The following LRP5 variants were observed in gnomAD, a reference collection of about 807,000 sequenced individuals.
LRP5 encodes the protein LDL receptor related protein 5.
A neutral mutation model predicts 154.1 loss-of-function variants in LRP5; 62 were observed. The observed-to-expected ratio is 0.40, with a 90% CI of 0.33 to 0.50. The LOEUF (loss-of-function observed/expected upper bound fraction) is 0.50, where lower values mean the gene tolerates loss of function less well. Ranked by LOEUF, LRP5 falls within the 20% of genes least tolerant of loss-of-function variation. The probability of loss-of-function intolerance (pLI) is 0.55; values close to 1 mark genes in which losing one functional copy is unlikely to be tolerated. For missense variants in LRP5, 1,915 were observed against 2,336.7 expected, an observed-to-expected ratio of 0.82 and a Z score of 3.72; for synonymous variants, 966 against 1,011.5, an observed-to-expected ratio of 0.96 and a Z score of 0.85.
At chr11:68,383,318 G>A (rs576844859) in intron 5 of LRP5, among the ~76,000 whole-genome samples, 11 of 152,338 alleles carry the variant, frequency 7.2e-5, no homozygotes, top group Admixed American at 1.3e-4. Context: ...GAGGTCAAGC[G>A]TGATTCGTCT....
At chr11:68,352,345 G>A (rs1036273582) in intron 2 of LRP5, among the ~76,000 whole-genome samples, 7 of 152,328 alleles carry the variant, frequency 4.6e-5, no homozygotes, top group East Asian at 3.9e-4. Context: ...GTACAGAGGC[G>A]TGACCATGCT....
rs1365922615 is a variant in LRP5 at position 68,413,679 on chromosome 11, G to T, written c.2504-10G>T. On this transcript the variant is annotated splice_polypyrimidine_tract_variant and intron_variant, in intron 11 of 22. Transcript: ENST00000294304. This position sits in a 1 kb window ranked among gnomAD's most constrained non-coding sequence, Gnocchi z 5.1. Reference sequence around the variant, plus strand: ...CTTTGCTGACACCGTGCCCGTGTGTGTTCATGCAGGTCAGGAGCGGGTCGT... The same window carrying T: ...CTTTGCTGACACCGTGCCCGTGTGTTTTCATGCAGGTCAGGAGCGGGTCGT... The T allele has an allele frequency of 6.2e-7, 1 of 1,613,332 alleles. No individual in the cohort carries two copies. The highest frequency in any genetic ancestry group is 2.2e-5 in the East Asian group (1 of 44,880).
rs555912395 is a variant in LRP5, at chr11:68,374,198, G to A, written c.1015+8496G>A. Among the ~76,000 whole-genome samples the A allele has an allele frequency of 5.9e-5, 9 of 152,344 alleles. No homozygotes were observed. In the South Asian group the frequency reaches 6.2e-4, roughly 11 times the overall value. ...GACGGGCAGACTGACAGCTGGAGCCGACGGCAAAGCCCCTCACGTCCCTCC... is the reference window on the plus strand; with the variant it reads ...GACGGGCAGACTGACAGCTGGAGCCAACGGCAAAGCCCCTCACGTCCCTCC... On this transcript the variant is annotated intron_variant, in intron 5 of 22. Transcript: ENST00000294304.
intron 21 of LRP5, among the ~76,000 whole-genome samples, chr11:68,440,956 T>TG (rs2098677893): frequency 6.6e-6 from 1 of 152,114 alleles, no homozygotes; most frequent in African/African-American, 2.4e-5. Context: ...TTAGTAGAGA[T>TG]GGGGTTTCTC....
chr11:68,417,990 G>T lies in LRP5; in HGVS notation c.3027+1463G>T, dbSNP rs1285473515. 2.6e-5 allele frequency among the ~76,000 whole-genome samples: 4 copies of T among 152,240 alleles called. No individual in the cohort carries two copies. The East Asian group carries it at 7.8e-4, about 30-fold the overall frequency. Reference sequence around the variant, plus strand: ...GTAGCGGAAGTGAGCACTTTGCGGAGTCAGGCTTGTGTGGCCTGTTCCACA... The same window carrying T: ...GTAGCGGAAGTGAGCACTTTGCGGATTCAGGCTTGTGTGGCCTGTTCCACA... On this transcript the variant is annotated intron_variant, in intron 13 of 22. Coordinates refer to ENST00000294304, the MANE Select transcript of LRP5 (RefSeq NM_002335.4).
chr11:68,304,407 G>A, the LRP5 span, among the ~76,000 whole-genome samples: 8 of 152,272 alleles, frequency 5.3e-5, no homozygotes, highest in Non-Finnish European at 1.2e-4. Context: ...GGATGTATGA[G>A]AAAGCCTGGG....
intron 7 of LRP5, among the ~76,000 whole-genome samples, chr11:68,400,447 C>T (rs146446969): frequency 1.5e-3 from 223 of 152,126 alleles, no homozygotes; most frequent in Non-Finnish European, 2.0e-3. Context: ...GAGCTGGGCG[C>T]GGTGGCTCAC....
chr11:68,415,571 C>T (rs2098662084), intron 12 of LRP5, among the ~76,000 whole-genome samples: 2 of 151,300 alleles, frequency 1.3e-5, no homozygotes, highest in African/African-American at 4.9e-5. Context: ...TATGGTGAAA[C>T]TCCATCTCTA....
At chr11:68,336,238 G>A (rs1005907685) in intron 1 of LRP5, among the ~76,000 whole-genome samples, 1 of 152,184 alleles carries the variant, frequency 6.6e-6, no homozygotes, top group South Asian at 2.1e-4. Context: ...AGAAGTTCTG[G>A]AGGACTGGTG....
chr11:68,310,754 CAAAAAA>C (rs756320384), upstream of LRP5, among the ~76,000 whole-genome samples: 5 of 63,928 alleles, frequency 7.8e-5, no homozygotes, highest in Non-Finnish European at 1.6e-4. Context: ...GACCCTGTCT[CAAAAAA>C]AAAAAAAAAA....
intron 9 of LRP5, among the ~76,000 whole-genome samples, 188 bp downstream of exon 9, chr11:68,407,001 A>T (rs560749459): frequency 2.0e-5 from 3 of 151,982 alleles, no homozygotes; most frequent in Non-Finnish European, 4.4e-5. Context: ...AGTCCGGTAG[A>T]CACACATAAG....
chr11:68,302,345 CAAA>C, the LRP5 span, among the ~76,000 whole-genome samples: 6,614 of 84,410 alleles, frequency 0.078, 252 homozygotes, highest in Middle Eastern at 0.16. Context: ...GACTCCATCT[CAAA>C]AAAAAAAAAA....
intron 12 of LRP5, 109 bp downstream of exon 12, chr11:68,414,121 T>C: frequency 9.2e-7 from 1 of 1,083,776 alleles, no homozygotes; most frequent in Non-Finnish European, 1.4e-6. Flanking sequence ...TGTACATAGA[T>C]GGTTGGGTAG....
chr11:68,421,713 T>TG (rs1481049735), intron 13 of LRP5, among the ~76,000 whole-genome samples: 1 of 143,050 alleles, frequency 7.0e-6, no homozygotes, highest in Non-Finnish European at 1.6e-5. Context: ...TGTGTGTGTG[T>TG]GTGTGTGTGT....
rs2098608768 is a variant in LRP5 at position 68,341,059 on chromosome 11, C to CTTTTTTTGTTTTTTTTTTTTTTTT, written c.92-6781_92-6780insGTTTTTTTTTTTTTTTTTTTTTTT. Among the ~76,000 whole-genome samples the CTTTTTTTGTTTTTTTTTTTTTTTT allele has an allele frequency of 3.6e-5, 3 of 83,496 alleles. 1 individual carries two copies. Among genetic ancestry groups the CTTTTTTTGTTTTTTTTTTTTTTTT allele is most frequent in the Non-Finnish European group, 7.1e-5 (3 of 42,004 alleles). 54.8% of individuals were successfully genotyped at this position (83,496 alleles called of 152,430 possible). ...GTTACCCCTGCCGCTGGAGATTGTT[C>CTTTTTTTGTTTTTTTTTTTTTTTT]TTTTTTTTTTTTTTTTTTTGCTATT... On this transcript the variant is annotated intron_variant, in intron 1 of 22. Coordinates refer to ENST00000294304, the MANE Select transcript of LRP5 (RefSeq NM_002335.4).
rs1311618305 is a variant in LRP5, at chr11:68,409,095, T to TATATATATATATATATATATATATAC, written c.2092-818_2092-817insTATATATATATATATATATATATACA. Among the ~76,000 whole-genome samples the TATATATATATATATATATATATATAC allele has an allele frequency of 4.0e-4, 11 of 27,700 alleles. 1 individual carries two copies. The highest frequency in any genetic ancestry group is 9.3e-4 in the Non-Finnish European group (11 of 11,812). The allele number at this position is 27,700 out of a possible 152,430, so 18.2% of individuals were successfully genotyped here. On this transcript the variant is annotated intron_variant, in intron 9 of 22. Transcript: ENST00000294304. ...AAAAATATATATATATATATATATA[T>TATATATATATATATATATATATATAC]ACACACACATACACGCACACACACA...
the LRP5 span, among the ~76,000 whole-genome samples, chr11:68,305,047 A>G: frequency 6.6e-6 from 1 of 152,004 alleles, no homozygotes; most frequent in African/African-American, 2.4e-5. Context: ...TGAGAAGAAC[A>G]TGAGATCTGG....
intron 7 of LRP5, among the ~76,000 whole-genome samples, chr11:68,394,900 G>A (rs553407358): frequency 1.4e-4 from 21 of 152,322 alleles, no homozygotes; most frequent in Admixed American, 6.5e-4. Context: ...GTAGAAGGGC[G>A]GAGAGAGGGA....
chr11:68,342,834 C>G (rs1262666094), intron 1 of LRP5, among the ~76,000 whole-genome samples: 2 of 152,246 alleles, frequency 1.3e-5, no homozygotes. Flanking sequence ...GAGTGTAAAC[C>G]GTGGTGAAAT....
Sources: gnomAD v4.1 joint callset for allele counts (sites outside exome capture counted in the v4.1 genomes callset) on GRCh38, gnomAD v4.1.1 for gene constraint, Gnocchi (gnomAD v3.1) non-coding constraint, MANE v1.5 for transcripts, NCBI Gene and HGNC (gene_info 2026-07-23, HGNC 2026-07-21) for gene names.